Variants in SGCZ observed in about 807,000 individuals in gnomAD.
SGCZ encodes zeta-sarcoglycan.
In SGCZ, 40 loss-of-function variants were observed where a neutral mutation model predicts 41.3. That is an observed-to-expected ratio of 0.97 (90% confidence interval 0.75 to 1.26). The LOEUF (loss-of-function observed/expected upper bound fraction) is 1.26. SGCZ is among the 50% of genes most tolerant of loss of function. The pLI is 0.00. For synonymous variants in SGCZ, 206 were observed against 137.5 expected (o/e 1.50, Z -3.49); for missense variants, 552 against 369.8 (o/e 1.49, Z -4.04).
At chr8:14,469,813 C>T (rs1434925982) in intron 2 of SGCZ, among the ~76,000 whole-genome samples, 5 of 152,148 alleles carry the variant, frequency 3.3e-5, no homozygotes, top group African/African-American at 1.2e-4. Flanking sequence ...CTTAGGAGAG[C>T]TTCTGAAGAG....
At chr8:15,061,313 C>T (rs2131011188) in intron 1 of SGCZ, among the ~76,000 whole-genome samples, 2 of 149,416 alleles carry the variant, frequency 1.3e-5, no homozygotes, top group South Asian at 4.2e-4. Context: ...TGTTCTCACT[C>T]ATAAGTGGGA....
intron 1 of SGCZ, among the ~76,000 whole-genome samples, chr8:14,809,006 C>G (rs1434215414): frequency 1.3e-5 from 2 of 150,980 alleles, no homozygotes; most frequent in Non-Finnish European, 2.9e-5. Context: ...CGCATATTCT[C>G]ACTCATAGGT....
intron 2 of SGCZ, among the ~76,000 whole-genome samples, chr8:14,345,588 T>A (rs931150775): frequency 6.6e-5 from 10 of 152,152 alleles, no homozygotes; most frequent in Admixed American, 1.3e-4. Flanking sequence ...AAGCTCTGTT[T>A]AATAACGTGA....
intron 2 of SGCZ, among the ~76,000 whole-genome samples, chr8:14,528,733 T>A (rs1354049673): frequency 6.6e-6 from 1 of 151,666 alleles, no homozygotes; most frequent in Non-Finnish European, 1.5e-5. Flanking sequence ...CCTGGCCCAA[T>A]TTCTATTTCT....
At chr8:14,214,911 A>T (rs1205784953) in intron 4 of SGCZ, among the ~76,000 whole-genome samples, 3 of 152,180 alleles carry the variant, frequency 2.0e-5, no homozygotes, top group Non-Finnish European at 4.4e-5. Context: ...TAAATCCACA[A>T]ATTATAGCTG....
chr8:14,207,368 C>A (rs1805650432), intron 4 of SGCZ, among the ~76,000 whole-genome samples: 1 of 152,180 alleles, frequency 6.6e-6, no homozygotes, highest in African/African-American at 2.4e-5. Flanking sequence ...TCTGCCATGA[C>A]AGAGTAGCAT....
At chr8:14,142,094 A>C (rs1041290900) in intron 5 of SGCZ, among the ~76,000 whole-genome samples, 3 of 152,086 alleles carry the variant, frequency 2.0e-5, no homozygotes, top group African/African-American at 7.2e-5. Context: ...GCATGTTCTC[A>C]CTCATAGGTG....
intron 1 of SGCZ, among the ~76,000 whole-genome samples, chr8:14,680,872 A>T (rs1356089951): frequency 3.3e-5 from 5 of 150,448 alleles, no homozygotes; most frequent in Non-Finnish European, 7.4e-5. Context: ...CAGGATTAAC[A>T]GCACATTGGA....
At chr8:14,286,381 T>G (rs1248204174) in intron 3 of SGCZ, among the ~76,000 whole-genome samples, 1 of 152,108 alleles carries the variant, frequency 6.6e-6, no homozygotes, top group Admixed American at 6.6e-5. Context: ...CAATTACAAT[T>G]CTAATTAGCG....
intron 1 of SGCZ, among the ~76,000 whole-genome samples, chr8:14,979,446 A>G (rs1450410550): frequency 6.6e-6 from 1 of 152,222 alleles, no homozygotes; most frequent in Non-Finnish European, 1.5e-5. Flanking sequence ...GAAGTAATGT[A>G]CAAGGCTTAC....
intron 1 of SGCZ, among the ~76,000 whole-genome samples, chr8:14,830,530 T>G (rs191346357): frequency 2.2e-4 from 34 of 152,322 alleles, no homozygotes; most frequent in Non-Finnish European, 4.1e-4. Context: ...TTGTTTAAAT[T>G]GTAACTTTAT....
At chr8:15,205,379 G>A (rs925563460) in intron 1 of SGCZ, among the ~76,000 whole-genome samples, 1 of 152,098 alleles carries the variant, frequency 6.6e-6, no homozygotes, top group African/African-American at 2.4e-5. Flanking sequence ...CTAATATCCA[G>A]CATCTATAAG....
chr8:15,153,951 C>T (rs1173311497), intron 1 of SGCZ, among the ~76,000 whole-genome samples: 1 of 152,160 alleles, frequency 6.6e-6, no homozygotes, highest in South Asian at 2.1e-4. Flanking sequence ...CACCTCAGAT[C>T]TTCAGGCATT....
At chr8:14,712,851 T>C (rs933302767) in intron 1 of SGCZ, among the ~76,000 whole-genome samples, 10 of 152,242 alleles carry the variant, frequency 6.6e-5, no homozygotes, top group African/African-American at 2.2e-4. Flanking sequence ...GGGTTTTCTA[T>C]TGTGTTGCCA....
chr8:14,654,235 A>T (rs75052856), intron 1 of SGCZ, among the ~76,000 whole-genome samples: 1 of 101,186 alleles, frequency 9.9e-6, no homozygotes, highest in Admixed American at 1.2e-4. Context: ...CAGAGAAATT[A>T]AAAAAAAAAA....
chr8:14,751,984 A>G (rs1317872210), intron 1 of SGCZ, among the ~76,000 whole-genome samples: 2 of 152,016 alleles, frequency 1.3e-5, no homozygotes, highest in African/African-American at 4.8e-5. Flanking sequence ...ATTTGAGGAC[A>G]GACACAATGG....
At chr8:14,355,526 C>T (rs1029988987) in intron 2 of SGCZ, among the ~76,000 whole-genome samples, 1 of 151,982 alleles carries the variant, frequency 6.6e-6, no homozygotes, top group East Asian at 1.9e-4. Context: ...TTCACTTAAT[C>T]TGACTTAACT....
intron 1 of SGCZ, among the ~76,000 whole-genome samples, chr8:14,758,746 C>T (rs531611223): frequency 1.3e-4 from 20 of 152,224 alleles, no homozygotes; most frequent in African/African-American, 3.6e-4. Context: ...CGGTGGCTCA[C>T]GCCTATAATT....
intron 1 of SGCZ, among the ~76,000 whole-genome samples, chr8:14,976,113 C>A (rs1801470573): frequency 6.6e-6 from 1 of 151,344 alleles, no homozygotes; most frequent in Non-Finnish European, 1.5e-5. Flanking sequence ...ACCTCTGCCT[C>A]CTGGTTTCAA....
Sources: allele counts gnomAD v4.1 joint callset (sites outside exome capture counted in the v4.1 genomes callset), GRCh38; gene constraint gnomAD v4.1.1; transcripts MANE v1.5; gene names NCBI Gene and HGNC (gene_info 2026-07-23, HGNC 2026-07-21).